Variants in DAB1 observed in about 807,000 individuals in gnomAD.
DAB1 encodes the protein disabled homolog 1.
Under a neutral mutation model 64.6 loss-of-function variants are expected in DAB1, and 15 were observed. The observed-to-expected ratio is 0.23, with a 90% confidence interval of 0.16 to 0.36. The LOEUF is 0.36. DAB1 is among the 10% of genes least tolerant of loss of function. DAB1 has a pLI of 1.00. For missense variants in DAB1, 596 were observed against 706.7 expected (o/e 0.84, Z 1.78); for synonymous variants, 235 against 251.9 (o/e 0.93, Z 0.64).
chr1:58,173,722 G>T (rs531912095), intron 4 of DAB1, among the ~76,000 whole-genome samples: 1 of 152,146 alleles, frequency 6.6e-6, no homozygotes, highest in Non-Finnish European at 1.5e-5. Context: ...TGTCTATGCA[G>T]CCGAAGTATA....
intron 9 of DAB1, among the ~76,000 whole-genome samples, chr1:57,046,500 C>A (rs1384221123): frequency 6.6e-6 from 1 of 152,084 alleles, no homozygotes; most frequent in East Asian, 1.9e-4. Flanking sequence ...AAAGAAAGAA[C>A]CTCAACATGA....
rs1343416592 is a variant in DAB1, at chr1:57,423,198, T to A, written c.-137+732A>T. Among the ~76,000 whole-genome samples, 7 of 142,786 alleles carry A rather than the reference T, an allele frequency of 4.9e-5. No individual in the cohort carries two copies. In the South Asian group the frequency reaches 6.9e-4, roughly 14 times the overall value. The allele number at this position is 142,786 out of a possible 152,430, so 93.7% of individuals were successfully genotyped here. A position where few individuals can be genotyped will look rare whatever the true frequency, so the allele number is the denominator to read the frequency against. Reference sequence around the variant, plus strand: ...TCTGCATCCAAGTCAGAGCGTCGAGTCTGGAGCAGAGAGAAGGAAGAGGGG... The same window carrying A: ...TCTGCATCCAAGTCAGAGCGTCGAGACTGGAGCAGAGAGAAGGAAGAGGGG... On this transcript the variant is annotated intron_variant, in intron 1 of 14. Transcript: ENST00000371236.
intron 1 of DAB1, among the ~76,000 whole-genome samples, chr1:57,337,776 A>G (rs1677199396): frequency 6.6e-6 from 1 of 152,124 alleles, no homozygotes; most frequent in Non-Finnish European, 1.5e-5. Context: ...TTCCCTGCTC[A>G]TCGGCAACAG....
At chr1:57,015,567 A>G in intron 11 of DAB1, 136 bp from the exon 12 acceptor site, 2 of 744,180 alleles carry the variant, frequency 2.7e-6, no homozygotes, top group African/African-American at 3.5e-5. Flanking sequence ...TGGGGATGCC[A>G]AGATGAACAA....
At chr1:57,931,480 C>T (rs1246003813) in intron 5 of DAB1, among the ~76,000 whole-genome samples, 1 of 152,154 alleles carries the variant, frequency 6.6e-6, no homozygotes, top group Non-Finnish European at 1.5e-5. Context: ...TCCATCTAGG[C>T]CTGGTCCCTT....
intron 5 of DAB1, among the ~76,000 whole-genome samples, chr1:58,087,614 G>A (rs1156246443): frequency 6.6e-6 from 1 of 152,188 alleles, no homozygotes; most frequent in Non-Finnish European, 1.5e-5. Context: ...AACTGAGTGG[G>A]AGGAGCTTGA....
intron 7 of DAB1, among the ~76,000 whole-genome samples, chr1:57,599,521 C>G (rs1339556555): frequency 6.6e-6 from 1 of 152,004 alleles, no homozygotes; most frequent in East Asian, 2.0e-4. Context: ...CTGTCACTGA[C>G]AAGCAGCAGC....
intron 7 of DAB1, among the ~76,000 whole-genome samples, chr1:57,456,249 A>T (rs1325254176): frequency 6.6e-6 from 1 of 152,164 alleles, no homozygotes; most frequent in Non-Finnish European, 1.5e-5. Flanking sequence ...TTTTTTCAAC[A>T]GTTTTTTATA....
intron 4 of DAB1, among the ~76,000 whole-genome samples, chr1:57,104,125 G>C (rs974118327): frequency 6.6e-6 from 1 of 152,106 alleles, no homozygotes; most frequent in African/African-American, 2.4e-5. Context: ...CTGCAGACTG[G>C]TACTGGTCTA....
At chr1:57,058,479 C>G (rs1650057620) in intron 9 of DAB1, among the ~76,000 whole-genome samples, 1 of 152,180 alleles carries the variant, frequency 6.6e-6, no homozygotes. Context: ...AGCAGCTACT[C>G]TGTGTCGATG....
chr1:58,098,471 C>G (rs1332263802), intron 5 of DAB1, among the ~76,000 whole-genome samples: 2 of 152,094 alleles, frequency 1.3e-5, no homozygotes, highest in South Asian at 4.2e-4. Context: ...GGATCAATAC[C>G]TCAACTTACT....
chr1:57,601,394 C>G (rs1440871518), intron 7 of DAB1, among the ~76,000 whole-genome samples: 1 of 152,060 alleles, frequency 6.6e-6, no homozygotes. Context: ...GCCAACATGT[C>G]GAAACCCCTT....
intron 5 of DAB1, among the ~76,000 whole-genome samples, chr1:58,076,544 C>T (rs1570319938): frequency 6.6e-6 from 1 of 152,198 alleles, no homozygotes; most frequent in Non-Finnish European, 1.5e-5. Context: ...AGCATCCACA[C>T]TAAAGGATTG....
intron 2 of DAB1, among the ~76,000 whole-genome samples, chr1:57,189,898 A>G (rs1245564531): frequency 6.6e-6 from 1 of 151,850 alleles, no homozygotes; most frequent in Non-Finnish European, 1.5e-5. Flanking sequence ...GTCATGGCCC[A>G]AGAGCTCCTG....
At chr1:57,617,766 C>T (rs1645806082) in intron 7 of DAB1, among the ~76,000 whole-genome samples, 1 of 152,156 alleles carries the variant, frequency 6.6e-6, no homozygotes, top group South Asian at 2.1e-4. Flanking sequence ...GAAGAAATTT[C>T]AAACTCCTTT....
Position 58,228,795 on chromosome 1 carries a change from A to G in DAB1, n.310-78207T>C, listed in dbSNP as rs553766849. ...GCAAACAAGACAGAAATCATAGAGC[A>G]CAAAGAACAGGATCCAGTCCAGGTA... is the stretch of plus-strand genomic sequence containing the variant. On this transcript the variant is annotated intron_variant and non_coding_transcript_variant, in intron 4 of 20. Coordinates refer to the DAB1 transcript ENST00000485760. The G allele has an allele frequency of 9.0e-5, 69 of 770,652 alleles. No individual in the cohort carries two copies. In the Admixed American group the frequency reaches 1.3e-3, roughly 15 times the overall value. The allele number at this position is 770,652 out of a possible 1,614,324, so 47.7% of individuals were successfully genotyped here. A position where few individuals can be genotyped will look rare whatever the true frequency, so the allele number is the denominator to read the frequency against.
intron 1 of DAB1, among the ~76,000 whole-genome samples, chr1:57,364,167 T>C (rs537629866): frequency 6.6e-6 from 1 of 152,262 alleles, no homozygotes; most frequent in African/African-American, 2.4e-5. Context: ...GGGGTATGCC[T>C]AGGGCTGGCA....
chr1:57,632,624 G>A (rs1263609627), intron 7 of DAB1, among the ~76,000 whole-genome samples: 1 of 152,146 alleles, frequency 6.6e-6, no homozygotes, highest in Non-Finnish European at 1.5e-5. Flanking sequence ...GTGGGGAGGA[G>A]TATTGTGTGA....
chr1:58,320,248 G>T (rs1662650908), intron 4 of DAB1, among the ~76,000 whole-genome samples: 1 of 152,230 alleles, frequency 6.6e-6, no homozygotes, highest in Admixed American at 6.5e-5. Context: ...CATGTGGGCA[G>T]TGACACAAAT....
Sources: allele counts gnomAD v4.1 joint callset (sites outside exome capture counted in the v4.1 genomes callset), GRCh38; gene constraint gnomAD v4.1.1; transcripts MANE v1.5; gene names NCBI Gene and HGNC (gene_info 2026-07-23, HGNC 2026-07-21).